FRK: variants seen among roughly 807,000 people sequenced by gnomAD.
FRK encodes tyrosine-protein kinase FRK.
A neutral mutation model predicts 56.4 loss-of-function variants in FRK; 51 were observed. That is an observed-to-expected ratio of 0.90 (90% CI 0.72 to 1.14). The LOEUF is 1.14. Ranked by LOEUF, FRK falls within the 50% of genes most tolerant of loss-of-function variation. FRK has a pLI of 0.00. For missense variants in FRK, 570 were observed against 601.4 expected (o/e 0.95, Z 0.55); for synonymous variants, 245 against 217.9 (o/e 1.12, Z -1.10).
intron 4 of FRK, among the ~76,000 whole-genome samples, chr6:115,961,371 G>T (rs1363646318): frequency 8.3e-6 from 1 of 119,874 alleles, no homozygotes; most frequent in Non-Finnish European, 1.7e-5. Flanking sequence ...AATGAGCAAA[G>T]CCTCCAAGAA....
intron 2 of FRK, among the ~76,000 whole-genome samples, chr6:115,972,900 G>A (rs983932230): frequency 1.3e-5 from 2 of 152,102 alleles, no homozygotes; most frequent in Admixed American, 6.5e-5. Flanking sequence ...ACTCTAAGAC[G>A]CTCTATAACC....
chr6:115,939,999 CA>C lies in FRK; in HGVS notation c.*2414del. ...AACTACTTTAAACTTCATATGGAAT[CA>C]AAAAAGAGCCCGCATAGCCAAGACA... On this transcript the variant is annotated 3_prime_UTR_variant, in exon 8 of 8. Transcript: ENST00000606080. 1 of 152,262 alleles carries C rather than the reference CA, an allele frequency of 6.6e-6. No individual in the cohort carries two copies. The highest frequency in any genetic ancestry group is 1.5e-5 in the Non-Finnish European group (1 of 68,020). 9.4% of individuals were successfully genotyped at this position (152,262 alleles called of 1,614,324 possible). A position where few individuals can be genotyped will look rare whatever the true frequency, so the allele number is the denominator to read the frequency against.
At chr6:115,998,309 A>T (rs1774920652) in intron 2 of FRK, among the ~76,000 whole-genome samples, 1 of 152,230 alleles carries the variant, frequency 6.6e-6, no homozygotes, top group African/African-American at 2.4e-5. Context: ...TAACAGACAG[A>T]TTACACCAAT....
intron 2 of FRK, among the ~76,000 whole-genome samples, chr6:115,982,209 C>A (rs1774223700): frequency 6.6e-6 from 1 of 152,116 alleles, no homozygotes; most frequent in Non-Finnish European, 1.5e-5. Context: ...TCTTTTCCTG[C>A]ACTTGTACAT....
At chr6:116,084,555 T>C in the FRK span, among the ~76,000 whole-genome samples, 5 of 152,202 alleles carry the variant, frequency 3.3e-5, 1 homozygote, top group Admixed American at 2.0e-4. Flanking sequence ...CAAATAGCTG[T>C]AGCAGAATTC....
chr6:116,028,736 C>T (rs1191525588), intron 1 of FRK, among the ~76,000 whole-genome samples: 1 of 152,122 alleles, frequency 6.6e-6, no homozygotes, highest in Non-Finnish European at 1.5e-5. Flanking sequence ...CCCGTATGGT[C>T]TCCTCCTAAC....
chr6:116,000,266 G>A (rs60539581), intron 2 of FRK, among the ~76,000 whole-genome samples: 49,023 of 102,624 alleles, frequency 0.48, 10,717 homozygotes, highest in Middle Eastern at 0.66. Context: ...TTTTTGAGAC[G>A]GAGTCTCGCT....
At chr6:116,059,919 C>A in intron 1 of FRK, 49 bp downstream of exon 1, 2 of 1,475,028 alleles carry the variant, frequency 1.4e-6, no homozygotes, top group Non-Finnish European at 1.9e-6. Flanking sequence ...AAACTCATTA[C>A]CCAGCCCTCA....
At chr6:116,032,758 G>C (rs1776345317) in intron 1 of FRK, among the ~76,000 whole-genome samples, 1 of 151,910 alleles carries the variant, frequency 6.6e-6, no homozygotes, top group Non-Finnish European at 1.5e-5. Context: ...GATGCAGAGA[G>C]TAATTTTATG....
At chr6:116,012,774 G>A (rs185561401) in intron 1 of FRK, among the ~76,000 whole-genome samples, 1 of 152,180 alleles carries the variant, frequency 6.6e-6, no homozygotes, top group African/African-American at 2.4e-5. Context: ...GCAGTATAAA[G>A]TGTTTATGGG....
intron 1 of FRK, among the ~76,000 whole-genome samples, chr6:116,050,053 G>A (rs372987552): frequency 1.2e-4 from 19 of 152,206 alleles, no homozygotes; most frequent in African/African-American, 3.9e-4. Context: ...TTTTTGACAC[G>A]CTTATGGCAT....
chr6:116,027,472 A>C (rs1424992476), intron 1 of FRK, among the ~76,000 whole-genome samples: 1 of 152,218 alleles, frequency 6.6e-6, no homozygotes, highest in African/African-American at 2.4e-5. Flanking sequence ...ATCAAAGTAC[A>C]GTGTCAGATA....
intron 1 of FRK, among the ~76,000 whole-genome samples, chr6:116,057,491 T>C (rs1441840343): frequency 6.6e-6 from 1 of 152,180 alleles, no homozygotes; most frequent in African/African-American, 2.4e-5. Context: ...GAAGCAATTT[T>C]GCCTTACGGT....
chr6:115,986,967 A>G (rs1397943335), intron 2 of FRK, among the ~76,000 whole-genome samples: 2 of 152,118 alleles, frequency 1.3e-5, no homozygotes, highest in Non-Finnish European at 2.9e-5. Flanking sequence ...CAAAATGCTG[A>G]AGCTACATCA....
At position 115,985,256 on chromosome 6, in the gene FRK, C is replaced by A. The variant is rs367557745; in HGVS notation, c.467-16517G>T. 1.8e-3 allele frequency among the ~76,000 whole-genome samples: 280 copies of A among 152,244 alleles called. 11 individuals carry two copies. In the South Asian group the frequency reaches 0.035, roughly 19 times the overall value. ...ACTATTACTTGTTTCCAAAACCCCA[C>A]ACAAATAGCATCACTAAGCCCGGCC... On this transcript the variant is annotated intron_variant, in intron 2 of 7. Coordinates refer to ENST00000606080, the MANE Select transcript of FRK (RefSeq NM_002031.3).
rs1208056490 is a variant in FRK, at chr6:115,939,943, T to C, written c.*2471A>G. ...ATATTCAGTGCTATCCCCATCAAAC[T>C]ACCATTGACTTTCTTCACAGAATTG... is the stretch of plus-strand genomic sequence containing the variant. On this transcript the variant is annotated 3_prime_UTR_variant, in exon 8 of 8. Coordinates refer to ENST00000606080, the MANE Select transcript of FRK (RefSeq NM_002031.3). 4 of 152,324 alleles carry C rather than the reference T, an allele frequency of 2.6e-5. No homozygotes were observed. The highest frequency in any genetic ancestry group is 5.9e-5 in the Non-Finnish European group (4 of 68,038). 9.4% of individuals were successfully genotyped at this position (152,324 alleles called of 1,614,324 possible).
chr6:116,002,883 G>A (rs1210328012), intron 2 of FRK, among the ~76,000 whole-genome samples: 1 of 152,174 alleles, frequency 6.6e-6, no homozygotes, highest in African/African-American at 2.4e-5. Context: ...GAAGGATAAT[G>A]TGTACCAAAT....
intron 2 of FRK, among the ~76,000 whole-genome samples, chr6:115,996,003 T>A (rs1013233435): frequency 6.6e-6 from 1 of 152,192 alleles, no homozygotes; most frequent in East Asian, 1.9e-4. Context: ...ATACATTTTA[T>A]ATGAGATACT....
chr6:116,011,982 G>GA (rs1489611015), intron 1 of FRK, among the ~76,000 whole-genome samples: 2 of 151,622 alleles, frequency 1.3e-5, no homozygotes, highest in Non-Finnish European at 2.9e-5. Context: ...TAAGGACAAA[G>GA]AAAAAAAATA....
Sources: gnomAD v4.1 joint callset for allele counts (sites outside exome capture counted in the v4.1 genomes callset) on GRCh38, gnomAD v4.1.1 for gene constraint, MANE v1.5 for transcripts, NCBI Gene and HGNC (gene_info 2026-07-23, HGNC 2026-07-21) for gene names.